The following OLAH variants were observed in gnomAD, a reference collection of about 807,000 sequenced individuals.
The protein encoded by OLAH is oleoyl-ACP hydrolase.
Under a neutral mutation model 27.8 loss-of-function variants are expected in OLAH, and 33 were observed. The observed-to-expected ratio is 1.19, with a 90% CI of 0.90 to 1.59. The LOEUF (loss-of-function observed/expected upper bound fraction) is 1.59, where lower values mean the gene tolerates loss of function less well. OLAH is among the 40% of genes most tolerant of loss of function. OLAH has a pLI of 0.00. For missense variants in OLAH, 359 were observed against 310.8 expected (o/e 1.16, Z -1.17); for synonymous variants, 120 against 102.9 (o/e 1.17, Z -1.01).
At chr10:15,066,990 A>G (rs1844481836) in intron 6 of OLAH, among the ~76,000 whole-genome samples, 1 of 152,222 alleles carries the variant, frequency 6.6e-6, no homozygotes, top group African/African-American at 2.4e-5. Flanking sequence ...ACACATGTGT[A>G]TTTCAAAATT....
At chr10:15,054,783 T>A (rs916107433) in intron 3 of OLAH, among the ~76,000 whole-genome samples, 1 of 152,232 alleles carries the variant, frequency 6.6e-6, no homozygotes, top group Admixed American at 6.5e-5. Context: ...ATAATTTTTG[T>A]CTTTTTAATC....
Position 15,055,548 on chromosome 10 carries a change from T to C in OLAH, c.163+5783T>C, listed in dbSNP as rs76459657. On this transcript the variant is annotated intron_variant, in intron 3 of 7. Coordinates refer to ENST00000378228, the MANE Select transcript of OLAH (RefSeq NM_001039702.3). ...AGTCTCAAAGAAAATAATCCATTCA[T>C]TGGAAGAAGAGAGCCCTGTAATTCC... Among the ~76,000 whole-genome samples, 1,378 of 152,296 alleles carry C rather than the reference T, an allele frequency of 9.0e-3. 17 individuals carry two copies. The highest frequency in any genetic ancestry group is 0.032 in the African/African-American group (1,320 of 41,568).
chr10:15,058,308 G>T (rs1318559915), intron 3 of OLAH, among the ~76,000 whole-genome samples: 1 of 151,908 alleles, frequency 6.6e-6, no homozygotes, highest in Non-Finnish European at 1.5e-5. Context: ...GCCTAGGCTG[G>T]TCTTGGACTC....
intron 1 of OLAH, among the ~76,000 whole-genome samples, chr10:15,044,602 A>G (rs756745047): frequency 6.6e-6 from 1 of 151,880 alleles, no homozygotes; most frequent in African/African-American, 2.4e-5. Flanking sequence ...CTCAAAGTAT[A>G]TCCTTTAACG....
At chr10:15,055,887 T>C (rs1844236063) in intron 3 of OLAH, among the ~76,000 whole-genome samples, 1 of 151,622 alleles carries the variant, frequency 6.6e-6, no homozygotes, top group Non-Finnish European at 1.5e-5. Flanking sequence ...TCTCACTCTG[T>C]CCCTCAGGCT....
intron 3 of OLAH, among the ~76,000 whole-genome samples, chr10:15,061,193 C>G (rs1210871032): frequency 6.6e-6 from 1 of 152,132 alleles, no homozygotes; most frequent in Non-Finnish European, 1.5e-5. Context: ...TTCCCCCATC[C>G]AGAGCCAAGG....
At chr10:15,038,416 T>A (rs1843874167) in intron 1 of OLAH, among the ~76,000 whole-genome samples, 1 of 152,066 alleles carries the variant, frequency 6.6e-6, no homozygotes, top group Non-Finnish European at 1.5e-5. Flanking sequence ...TAATACTGTA[T>A]CCCCACCGAA....
chr10:15,040,608 C>T (rs976618403), upstream of OLAH, among the ~76,000 whole-genome samples: 1 of 152,096 alleles, frequency 6.6e-6, no homozygotes, highest in African/African-American at 2.4e-5. Context: ...CCCTTTCCCC[C>T]GTCCTAGATG....
At chr10:15,067,902 A>G (rs1178320145) in intron 6 of OLAH, among the ~76,000 whole-genome samples, 3 of 152,212 alleles carry the variant, frequency 2.0e-5, no homozygotes, top group Non-Finnish European at 4.4e-5. Flanking sequence ...TTCAGCTCAT[A>G]TAATCTGTCC....
intron 4 of OLAH, among the ~76,000 whole-genome samples, chr10:15,063,244 A>G (rs71491108): frequency 0.074 from 11,286 of 152,096 alleles, 456 homozygotes; most frequent in Middle Eastern, 0.14. Flanking sequence ...CTTCCACCTC[A>G]GCCTCCCAAG....
At chr10:15,047,673 C>T (rs1301195378) in intron 2 of OLAH, among the ~76,000 whole-genome samples, 1 of 152,074 alleles carries the variant, frequency 6.6e-6, no homozygotes, top group African/African-American at 2.4e-5. Context: ...CCACTGCACT[C>T]CAGCCTGGTT....
rs368856958 is a variant in OLAH, at chr10:15,063,691, A to C, written c.303-712A>C. On this transcript the variant is annotated intron_variant, in intron 4 of 7. Coordinates refer to ENST00000378228, the MANE Select transcript of OLAH (RefSeq NM_001039702.3). ...TGTGATATATCTGGCGATATTTATC[A>C]TACTGAAAGGAAAAACTAAGAAATT... 2.0e-5 allele frequency among the ~76,000 whole-genome samples: 3 copies of C among 152,368 alleles called. No homozygotes were observed. The East Asian group carries it at 5.8e-4, about 29-fold the overall frequency.
intron 3 of OLAH, among the ~76,000 whole-genome samples, chr10:15,052,380 A>G (rs1207390782): frequency 1.3e-5 from 2 of 152,228 alleles, no homozygotes; most frequent in African/African-American, 4.8e-5. Context: ...CATGATTCCA[A>G]TATATGCTAA....
At chr10:15,036,485 G>A (rs1018058926) in intron 1 of OLAH, among the ~76,000 whole-genome samples, 3 of 151,982 alleles carry the variant, frequency 2.0e-5, no homozygotes, top group Non-Finnish European at 4.4e-5. Context: ...CAACAAAAGC[G>A]AGACTCTATC....
At chr10:15,040,152 G>A (rs1006643808), upstream of OLAH, among the ~76,000 whole-genome samples, 3 of 152,044 alleles carry the variant, frequency 2.0e-5, no homozygotes, top group African/African-American at 7.3e-5. Flanking sequence ...CCAGAAAGTG[G>A]AGCCCTCTCC....
At chr10:15,044,933 G>A (rs1190741907) in intron 1 of OLAH, among the ~76,000 whole-genome samples, 1 of 152,074 alleles carries the variant, frequency 6.6e-6, no homozygotes, top group Non-Finnish European at 1.5e-5. Flanking sequence ...TGCTGGGCAT[G>A]TTTTATCTTT....
intron 3 of OLAH, among the ~76,000 whole-genome samples, chr10:15,058,868 C>G (rs1319990902): frequency 6.6e-6 from 1 of 151,548 alleles, no homozygotes; most frequent in Non-Finnish European, 1.5e-5. Context: ...GACAGTTGTT[C>G]CCTCCCTTCC....
At chr10:15,040,060 T>G (rs1843897979), upstream of OLAH, among the ~76,000 whole-genome samples, 1 of 152,156 alleles carries the variant, frequency 6.6e-6, no homozygotes, top group South Asian at 2.1e-4. Context: ...CATCACACAC[T>G]TTCCCCATGC....
Position 15,049,662 on chromosome 10 carries a change from C to T in OLAH, c.60C>T (p.Tyr20=), listed in dbSNP as rs1564528056. Residue 20 remains tyrosine (Y), a synonymous_variant, in exon 3 of 8, where the codon TAC becomes TAT. Transcript: ENST00000378228. ...TRNENIFNCL[Y]KNPEATFKLI... ...ATGAAAACATTTTCAACTGCTTATA[C>T]AAAAACCCTGAGGCAACTTTTAAGC... The T allele has an allele frequency of 6.2e-7, 1 of 1,601,238 alleles. No homozygotes were observed. The highest frequency in any genetic ancestry group is 8.5e-7 in the Non-Finnish European group (1 of 1,176,198).
Sources: gnomAD v4.1 joint callset for allele counts (sites outside exome capture counted in the v4.1 genomes callset) on GRCh38, gnomAD v4.1.1 for gene constraint, MANE v1.5 for transcripts, NCBI Gene and HGNC (gene_info 2026-07-23, HGNC 2026-07-21) for gene names.